OTP: variants seen among roughly 807,000 people sequenced by gnomAD.
The protein encoded by OTP is orthopedia homeobox.
A neutral mutation model predicts 22.3 loss-of-function variants in OTP; 5 were observed. The observed-to-expected ratio is 0.22, with a 90% CI of 0.12 to 0.47. The LOEUF (loss-of-function observed/expected upper bound fraction) is 0.47, where lower values mean the gene tolerates loss of function less well. Among genes scored for constraint, OTP ranks in the 20% least tolerant of loss-of-function variants. OTP has a pLI of 0.99. For synonymous variants in OTP, 229 were observed against 210.6 expected (o/e 1.09, Z -0.76); for missense variants, 428 against 456.2 (o/e 0.94, Z 0.56).
intron 2 of OTP, among the ~76,000 whole-genome samples, chr5:77,633,026 A>G (rs747975829): frequency 2.0e-5 from 3 of 152,156 alleles, no homozygotes; most frequent in Admixed American, 1.3e-4. Flanking sequence ...TACACGCCGC[A>G]CCGGGATTAT....
At chr5:77,634,383 T>A (rs1423283142) in intron 2 of OTP, among the ~76,000 whole-genome samples, 3 of 152,162 alleles carry the variant, frequency 2.0e-5, no homozygotes, top group Non-Finnish European at 2.9e-5. Flanking sequence ...TTGGCCTCCA[T>A]GTGAGTAGAG....
chr5:77,637,260 C>A, intron 1 of OTP, 30 bp from the exon 2 acceptor site: 1 of 1,464,042 alleles, frequency 6.8e-7, no homozygotes, highest in Non-Finnish European at 9.0e-7. Context: ...GCGGTCACTA[C>A]TTTCTTGGCG....
At chr5:77,636,520 C>G (rs1745009957) in intron 2 of OTP, 5 of 338,802 alleles carry the variant, frequency 1.5e-5, no homozygotes, top group Admixed American at 4.6e-5. Flanking sequence ...CGGGGGGGCG[C>G]TGAGGTTGCC....
At chr5:77,632,281 T>TAAC (rs779722743) in intron 2 of OTP, among the ~76,000 whole-genome samples, 1 of 151,964 alleles carries the variant, frequency 6.6e-6, no homozygotes, top group Admixed American at 6.6e-5. Context: ...TAAATGACAA[T>TAAC]AATAATAATA....
At chr5:77,633,939 T>C (rs1447138615) in intron 2 of OTP, among the ~76,000 whole-genome samples, 1 of 152,188 alleles carries the variant, frequency 6.6e-6, no homozygotes, top group African/African-American at 2.4e-5. Context: ...TCATTACAGT[T>C]TAATAGTGCT....
In OTP at chr5:77,637,001, G is replaced by C. The variant is rs758976608; in HGVS notation, c.267C>G (p.Gly89=). Reference sequence around the variant, plus strand: ...GCTGGCCGGCTTGGCTGGGGTTCGGGCCGCCCTGGGGCCCGGGCTGCTTGT... The same window carrying C: ...GCTGGCCGGCTTGGCTGGGGTTCGGCCCGCCCTGGGGCCCGGGCTGCTTGT... ...DPDKQPGPQG[G]PNPSQAGQQQ... Residue 89 remains glycine, a synonymous_variant, in exon 2 of 3, where the codon GGC becomes GGG. Coordinates refer to ENST00000306422, the MANE Select transcript of OTP (RefSeq NM_032109.3). 14 of 1,613,436 alleles carry C rather than the reference G, an allele frequency of 8.7e-6. 1 individual carries two copies. Among genetic ancestry groups the C allele is most frequent in the Middle Eastern group, 1.7e-4 (1 of 6,054 alleles).
In OTP at chr5:77,638,637, G is replaced by T; in HGVS notation, c.-88C>A. 4 of 1,248,332 alleles carry T rather than the reference G, an allele frequency of 3.2e-6. No individual in the cohort carries two copies. The Middle Eastern group carries it at 6.1e-4, about 191-fold the overall frequency. The allele number at this position is 1,248,332 out of a possible 1,614,324, so 77.3% of individuals were successfully genotyped here. The stretch of plus-strand genomic sequence containing the variant: ...AATAGATATAAGCTATAAGCTATAC[G>T]ATATAGATATATATAGATCACCTAA... On this transcript the variant is annotated 5_prime_UTR_variant, in exon 1 of 3. An upstream open reading frame in the 5' UTR gains an earlier in-frame stop. Coordinates refer to ENST00000306422, the MANE Select transcript of OTP (RefSeq NM_032109.3).
At chr5:77,635,031 T>C (rs537102248) in intron 2 of OTP, among the ~76,000 whole-genome samples, 1 of 152,332 alleles carries the variant, frequency 6.6e-6, no homozygotes, top group South Asian at 2.1e-4. Flanking sequence ...GAAGACCTAA[T>C]AAAGTTTAAT....
intron 2 of OTP, among the ~76,000 whole-genome samples, chr5:77,633,263 C>T (rs1406525419): frequency 6.6e-6 from 1 of 152,024 alleles, no homozygotes; most frequent in Non-Finnish European, 1.5e-5. Context: ...TGTTAAAGAA[C>T]TAAATATTAT....
chr5:77,633,410 G>A (rs905684028), intron 2 of OTP, among the ~76,000 whole-genome samples: 3 of 152,182 alleles, frequency 2.0e-5, no homozygotes, highest in Admixed American at 6.5e-5. Flanking sequence ...TCCGTTCCAA[G>A]CTACGATGCA....
chr5:77,638,201 G>C (rs1745039046), intron 1 of OTP, among the ~76,000 whole-genome samples: 2 of 130,026 alleles, frequency 1.5e-5, no homozygotes, highest in South Asian at 2.7e-4. Flanking sequence ...AGGGAAAAAA[G>C]AGAGAGAAAC....
At chr5:77,631,551 CTTTTTTT>C (rs70988699) in intron 2 of OTP, among the ~76,000 whole-genome samples, 10 of 74,232 alleles carry the variant, frequency 1.3e-4, no homozygotes, top group Middle Eastern at 0.013. Context: ...CAACCCTATT[CTTTTTTT>C]TTTTTTTTTT....
intron 2 of OTP, among the ~76,000 whole-genome samples, chr5:77,632,831 TGGTGAG>T (rs1744951563): frequency 6.6e-6 from 1 of 152,056 alleles, no homozygotes; most frequent in South Asian, 2.1e-4. Context: ...GGGCTCTAGA[TGGTGAG>T]TGGGATCAAT....
chr5:77,635,095 G>A (rs1744987044), intron 2 of OTP, among the ~76,000 whole-genome samples: 1 of 151,904 alleles, frequency 6.6e-6, no homozygotes, highest in Non-Finnish European at 1.5e-5. Flanking sequence ...TTTTATTTGT[G>A]ATTCTAAGTT....
rs1745049744 is a variant in OTP, at chr5:77,638,629, AGCTATAC to A, written c.-87_-81del. 2.5e-5 allele frequency: 33 copies of A among 1,342,606 alleles called. No individual in the cohort carries two copies. The South Asian group carries it at 4.9e-4, about 20-fold the overall frequency. 83.2% of individuals were successfully genotyped at this position (1,342,606 alleles called of 1,614,324 possible). On this transcript the variant is annotated 5_prime_UTR_variant, in exon 1 of 3. It removes the in-frame stop codon of an upstream open reading frame in the 5' UTR. Coordinates refer to ENST00000306422, the MANE Select transcript of OTP (RefSeq NM_032109.3). ...TTATTTAAAATAGATATAAGCTATA[AGCTATAC>A]GATATAGATATATATAGATCACCTA...
At position 77,630,801 on chromosome 5, in the gene OTP, C is replaced by A. The variant is rs1175544359; in HGVS notation, c.448-7G>T. ...GTCGGTTCTGGAACCAGACCTGGAG[C>A]GGGCGGGGCGGGAGACAGACAGGGA... On this transcript the variant is annotated splice_polypyrimidine_tract_variant and splice_region_variant and intron_variant, in intron 2 of 2. Coordinates refer to ENST00000306422, the MANE Select transcript of OTP (RefSeq NM_032109.3). 1 of 1,508,546 alleles carries A rather than the reference C, an allele frequency of 6.6e-7. No individual in the cohort carries two copies. The allele number at this position is 1,508,546 out of a possible 1,614,324, so 93.4% of individuals were successfully genotyped here. A position where few individuals can be genotyped will look rare whatever the true frequency, so the allele number is the denominator to read the frequency against.
Position 77,638,642 on chromosome 5 carries a change from A to G in OTP, c.-93T>C. 8.6e-7 allele frequency: 1 copy of G among 1,165,532 alleles called. No individual in the cohort carries two copies. Among genetic ancestry groups the G allele is most frequent in the African/African-American group, 1.6e-5 (1 of 62,656 alleles). The allele number at this position is 1,165,532 out of a possible 1,614,324, so 72.2% of individuals were successfully genotyped here. On this transcript the variant is annotated 5_prime_UTR_variant, in exon 1 of 3. Transcript: ENST00000306422. ...ATATAAGCTATAAGCTATACGATAT[A>G]GATATATATAGATCACCTAAATGAA...
intron 2 of OTP, among the ~76,000 whole-genome samples, chr5:77,633,387 G>A (rs892840668): frequency 1.3e-5 from 2 of 152,112 alleles, no homozygotes; most frequent in African/African-American, 2.4e-5. Context: ...AATCTGCGTG[G>A]GGTCTGAGCA....
Position 77,636,908 on chromosome 5 carries a change from C to G in OTP, c.360G>C (p.Glu120Asp). The G allele has an allele frequency of 6.2e-7, 1 of 1,614,236 alleles. No homozygotes were observed. The change falls in exon 2 of 3, where the codon GAG becomes GAC. Residue 120 changes from glutamate (E) to aspartate (D), a missense_variant. Glu to Asp is a conservative substitution (Grantham distance 45, BLOSUM62 2). Around this residue, in one of 3 missense-constraint regions of OTP, gnomAD observed 176 missense variants for 162.9 expected, o/e 1.08. Coordinates refer to ENST00000306422, the MANE Select transcript of OTP (RefSeq NM_032109.3). ...GGTAGTGAGTCTTGGCGAAGCTCCT[C>G]TCCAACTCGTTGAGCTGTGCGGGGG... is the stretch of plus-strand genomic sequence containing the variant. The part of the protein sequence containing the change: ...RFTPAQLNEL[E>D]RSFAKTHYPD...
Sources: allele counts gnomAD v4.1 joint callset (sites outside exome capture counted in the v4.1 genomes callset), GRCh38; gene constraint gnomAD v4.1.1; regional missense constraint gnomAD v4.1.1; transcripts MANE v1.5; gene names NCBI Gene and HGNC (gene_info 2026-07-23, HGNC 2026-07-21).